SEC31A: variants seen among roughly 807,000 people sequenced by gnomAD.
SEC31A encodes the protein SEC31 homolog A, COPII component, also known as protein transport protein Sec31A.
In SEC31A, 70 loss-of-function variants were observed where a neutral mutation model predicts 151.0. The observed-to-expected ratio is 0.46, with a 90% CI of 0.38 to 0.57. SEC31A has a LOEUF of 0.57. Ranked by LOEUF, SEC31A falls within the 20% of genes least tolerant of loss-of-function variation. The pLI is 0.00. For missense variants in SEC31A, 1,330 were observed against 1,471.2 expected (o/e 0.90, Z 1.57); for synonymous variants, 475 against 505.9 (o/e 0.94, Z 0.82).
At chr4:82,825,517 G>A (rs956064380) in intron 24 of SEC31A, among the ~76,000 whole-genome samples, 1 of 152,156 alleles carries the variant, frequency 6.6e-6, no homozygotes, top group African/African-American at 2.4e-5. Context: ...AGTTAAGTGA[G>A]GAAAAAAGAG....
intron 1 of SEC31A, among the ~76,000 whole-genome samples, chr4:82,882,675 G>A (rs1033355864): frequency 6.6e-6 from 1 of 152,166 alleles, no homozygotes; most frequent in Non-Finnish European, 1.5e-5. Context: ...GATAAGAGCA[G>A]TTTAAAAAAT....
intron 21 of SEC31A, 154 bp downstream of exon 21, chr4:82,844,232 A>T: frequency 1.3e-6 from 1 of 763,186 alleles, no homozygotes; most frequent in Non-Finnish European, 2.0e-6. Context: ...GCCACCTCCT[A>T]AAAAAACATG....
In SEC31A at chr4:82,848,876, G is replaced by A. The variant is rs1175392215; in HGVS notation, c.2430C>T (p.Pro810=). 6.2e-6 allele frequency: 10 copies of A among 1,614,098 alleles called. No individual in the cohort carries two copies. Among genetic ancestry groups the A allele is most frequent in the South Asian group, 1.1e-5 (1 of 91,074 alleles). Residue 810 remains proline, a synonymous_variant, in exon 20 of 27, where the codon CCC becomes CCT. Transcript: ENST00000395310. The part of the protein sequence containing the change: ...PKIPYEKQQL[P]KGRPGPVAGH... ...CAGCAACTGGTCCAGGCCTGCCCTT[G>A]GGGAGCTGCTGTTTCTCGTACGGAA...
chr4:82,871,318 AC>A, intron 7 of SEC31A: 1 of 1,473,040 alleles, frequency 6.8e-7, no homozygotes, highest in Non-Finnish European at 9.0e-7. Flanking sequence ...GCATACACAC[AC>A]ACACACACAC....
upstream of SEC31A, chr4:82,893,960 GCCAAA>G (rs1719950267): frequency 6.6e-6 from 1 of 152,148 alleles, no homozygotes; most frequent in Admixed American, 6.6e-5. Context: ...GTCAGAAGGT[GCCAAA>G]CCAGGACTGT....
Position 82,827,552 on chromosome 4 carries a change from C to T in SEC31A, c.3108G>A (p.Leu1036=), listed in dbSNP as rs754665175. 3.1e-6 allele frequency: 5 copies of T among 1,614,154 alleles called. No homozygotes were observed. In the East Asian group the frequency reaches 8.9e-5, roughly 29 times the overall value. The part of the protein sequence containing the change: ...NPLGDPQSQM[L]QQQPSAPVPL... ...GTACTGGAGCTGAAGGCTGTTGCTG[C>T]AGCATTTGTGACTGGGGGTCACCCA... Residue 1036 remains leucine, a synonymous_variant, in exon 24 of 27, where the codon CTG becomes CTA. Coordinates refer to ENST00000395310, the MANE Select transcript of SEC31A (RefSeq NM_001077207.4).
chr4:82,831,324 T>C (rs1725889163), intron 22 of SEC31A: 2 of 158,388 alleles, frequency 1.3e-5, no homozygotes, highest in African/African-American at 4.8e-5. Flanking sequence ...ATTTAACTAA[T>C]GAAGCTCAGA....
intron 22 of SEC31A, among the ~76,000 whole-genome samples, chr4:82,830,303 A>G (rs1443761817): frequency 6.6e-6 from 1 of 152,106 alleles, no homozygotes; most frequent in Non-Finnish European, 1.5e-5. Flanking sequence ...TCTACTAAAA[A>G]TACAAAAATT....
At chr4:82,857,491 A>G (rs1732929025) in intron 15 of SEC31A, among the ~76,000 whole-genome samples, 198 bp downstream of exon 15, 1 of 151,724 alleles carries the variant, frequency 6.6e-6, no homozygotes. Flanking sequence ...TTTTTTTTTG[A>G]GACAGCGTTT....
rs1722726914 is a variant in SEC31A, at chr4:82,818,576, T to C, written c.*498A>G. The stretch of plus-strand genomic sequence containing the variant: ...AAACCCATGTAGCAGTTTGTAGATG[T>C]AGTTATTTACTCAGGAATCCTAAGA... On this transcript the variant is annotated 3_prime_UTR_variant, in exon 27 of 27. Transcript: ENST00000395310. 1 of 152,262 alleles carries C rather than the reference T, an allele frequency of 6.6e-6. No individual in the cohort carries two copies. The highest frequency in any genetic ancestry group is 6.5e-5 in the Admixed American group (1 of 15,276). 9.4% of individuals were successfully genotyped at this position (152,262 alleles called of 1,614,324 possible).
At chr4:82,867,420 A>C in intron 8 of SEC31A, 104 bp from the exon 9 acceptor site, 1 of 905,038 alleles carries the variant, frequency 1.1e-6, no homozygotes, top group Non-Finnish European at 1.7e-6. Flanking sequence ...TAAATTGAAT[A>C]TTTTTTTGTA....
At position 82,867,237 on chromosome 4, in the gene SEC31A, G is replaced by C; in HGVS notation, c.962C>G (p.Ala321Gly). 1.2e-6 allele frequency: 2 copies of C among 1,613,956 alleles called. No individual in the cohort carries two copies. Among genetic ancestry groups the C allele is most frequent in the Non-Finnish European group, 1.7e-6 (2 of 1,179,868 alleles). ...WCPRNPAVLSAASFDGRISVY... is the reference protein window; with the variant it reads ...WCPRNPAVLSGASFDGRISVY... The stretch of plus-strand genomic sequence containing the variant: ...ACTGATACGCCCATCAAACGAAGCA[G>C]CTGATAAGACAGCAGGATTTCGGGG... Residue 321 changes from alanine (A) to glycine (G), a missense_variant, in exon 9 of 27, where the codon GCT becomes GGT. Ala to Gly is a moderately conservative substitution (Grantham distance 60). Transcript: ENST00000395310.
chr4:82,869,381 C>G (rs189254565), intron 8 of SEC31A, among the ~76,000 whole-genome samples: 1 of 150,888 alleles, frequency 6.6e-6, no homozygotes, highest in Non-Finnish European at 1.5e-5. Flanking sequence ...CTGCCCGCCT[C>G]AGCCTCCCAA....
chr4:82,881,473 A>T (rs1739305616), intron 2 of SEC31A, among the ~76,000 whole-genome samples: 1 of 152,192 alleles, frequency 6.6e-6, no homozygotes, highest in Non-Finnish European at 1.5e-5. Context: ...TCAAAAAAAA[A>T]AAAGTCCCGT....
At chr4:82,875,448 T>C (rs1015046639) in intron 5 of SEC31A, among the ~76,000 whole-genome samples, 1 of 152,234 alleles carries the variant, frequency 6.6e-6, no homozygotes, top group African/African-American at 2.4e-5. Context: ...CTAAGACAAT[T>C]ATTAAGGATT....
intron 14 of SEC31A, among the ~76,000 whole-genome samples, chr4:82,858,922 C>T (rs775863225): frequency 8.6e-5 from 13 of 151,998 alleles, no homozygotes; most frequent in Admixed American, 6.6e-4. Flanking sequence ...AGGATGGTCT[C>T]GATCTCCTGA....
chr4:82,894,696 A>G (rs913758269), upstream of SEC31A: 7 of 152,216 alleles, frequency 4.6e-5, no homozygotes, highest in Admixed American at 1.3e-4. Flanking sequence ...TCAACTTTTC[A>G]TAAAGCATCA....
chr4:82,890,461 A>C (rs979399287), intron 1 of SEC31A, among the ~76,000 whole-genome samples: 7 of 152,160 alleles, frequency 4.6e-5, no homozygotes, highest in African/African-American at 1.7e-4. Flanking sequence ...CGCAAGAAAA[A>C]ATTTATAATG....
chr4:82,883,565 CAGGCCTGTAAGCCCAGCACTTT>C (rs1739865860), intron 1 of SEC31A, among the ~76,000 whole-genome samples: 1 of 152,178 alleles, frequency 6.6e-6, no homozygotes, highest in Non-Finnish European at 1.5e-5. Flanking sequence ...TGCAGTGGCT[CAGGCCTGTAAGCCCAGCACTTT>C]AGGAGCCGAA....
Sources: gnomAD v4.1 joint callset for allele counts (sites outside exome capture counted in the v4.1 genomes callset) on GRCh38, gnomAD v4.1.1 for gene constraint, MANE v1.5 for transcripts, NCBI Gene and HGNC (gene_info 2026-07-23, HGNC 2026-07-21) for gene names.